Variants in PHKA1 observed in about 807,000 individuals in gnomAD.
The protein encoded by PHKA1 is phosphorylase b kinase regulatory subunit alpha, skeletal muscle isoform.
PHKA1 carries 60 observed loss-of-function variants against 110.2 expected under a neutral mutation model. The ratio of observed to expected loss-of-function variants is 0.54; its 90% confidence interval spans 0.44 to 0.68. The LOEUF (loss-of-function observed/expected upper bound fraction) is 0.68. Ranked by LOEUF, PHKA1 falls within the 30% of genes least tolerant of loss-of-function variation. The pLI is 0.00. For missense variants in PHKA1, 801 were observed against 942.5 expected, an observed-to-expected ratio of 0.85 and a Z score of 1.97; for synonymous variants, 316 against 333.6, an observed-to-expected ratio of 0.95 and a Z score of 0.58.
chrX:72,638,934 C>A (rs2053262358), intron 14 of PHKA1, among the ~76,000 whole-genome samples: 2 of 111,486 alleles, frequency 1.8e-5, no homozygotes, highest in African/African-American at 6.5e-5. Context: ...TTTGAGTGTC[C>A]CTTCTGTCCA....
rs144172526 is a variant in PHKA1 at position 72,610,988 on chromosome X, G to A, written c.2526+40C>T. 566 of 1,099,764 alleles carry A rather than the reference G, an allele frequency of 5.1e-4. 1 individual carries two copies. In the African/African-American group the frequency reaches 8.9e-3, roughly 17 times the overall value. 90.6% of individuals were successfully genotyped at this position (1,099,764 alleles called of 1,213,427 possible). Reference sequence around the variant, plus strand: ...ATAGAAACCAATTTTTAAAAAGCACGCTTATTTAGATTTGGTATAAATTCA... The same window carrying A: ...ATAGAAACCAATTTTTAAAAAGCACACTTATTTAGATTTGGTATAAATTCA... On this transcript the variant is annotated intron_variant, in intron 22 of 31. Coordinates refer to ENST00000373542, the MANE Select transcript of PHKA1 (RefSeq NM_002637.4).
chrX:72,641,714 A>T (rs1220667558), intron 14 of PHKA1, among the ~76,000 whole-genome samples: 2 of 112,036 alleles, frequency 1.8e-5, no homozygotes, highest in Non-Finnish European at 3.8e-5. Context: ...CCTGTTAAAG[A>T]AATAGCCCTT....
At chrX:72,638,985 C>A (rs2053262999) in intron 14 of PHKA1, among the ~76,000 whole-genome samples, 1 of 112,117 alleles carries the variant, frequency 8.9e-6, no homozygotes, top group Non-Finnish European at 1.9e-5. Context: ...TAATTACTCT[C>A]TGAAGCCTTC....
intron 6 of PHKA1, among the ~76,000 whole-genome samples, chrX:72,672,145 G>T (rs1169075382): frequency 2.7e-5 from 3 of 111,730 alleles, no homozygotes; most frequent in African/African-American, 9.8e-5. Flanking sequence ...GGACCTTTTG[G>T]AGTAGTGGCA....
At chrX:72,694,343 T>G (rs1370847835) in intron 4 of PHKA1, among the ~76,000 whole-genome samples, 3 of 112,293 alleles carry the variant, frequency 2.7e-5, no homozygotes, top group African/African-American at 9.7e-5. Flanking sequence ...GTGAATCATC[T>G]GAAACTTCCT....
At position 72,582,453 on chromosome X, in the gene PHKA1, A is replaced by C. The variant is rs782365144; in HGVS notation, c.3443T>G (p.Ile1148Ser). The change falls in exon 31 of 32, where the codon ATC becomes AGC. Residue 1148 changes from isoleucine to serine, a missense_variant. By Grantham distance (142) the Ile-to-Ser change is moderately radical. Transcript: ENST00000373542. ...ADIEIHSIGS[I>S]IAVEKIVHIA... ...ATGCACTATTTTTTCCACAGCAATG[A>C]TGCTTCCGATGCTATGAATTTCAAT... 32 of 1,205,241 alleles carry C rather than the reference A, an allele frequency of 2.7e-5. No homozygotes were observed. The African/African-American group carries it at 4.7e-4, about 18-fold the overall frequency.
chrX:72,651,735 C>A (rs1312648705), intron 12 of PHKA1, among the ~76,000 whole-genome samples: 9 of 111,160 alleles, frequency 8.1e-5, no homozygotes, highest in Non-Finnish European at 1.7e-4. Flanking sequence ...ATCAAACAGC[C>A]ATGGCCACAG....
At chrX:72,644,520 G>A (rs2053336828) in intron 13 of PHKA1, 24 bp from the exon 14 acceptor site, 2 of 1,188,529 alleles carry the variant, frequency 1.7e-6, no homozygotes, top group Admixed American at 2.2e-5. Context: ...AGAAGATGAG[G>A]TCAACAGAAA....
chrX:72,620,662 C>T (rs1556276236), intron 19 of PHKA1, 63 bp downstream of exon 19: 16 of 987,524 alleles, frequency 1.6e-5, no homozygotes, highest in Admixed American at 2.2e-5. Flanking sequence ...AATCAATGCC[C>T]GCCCCTATCC....
At chrX:72,644,992 G>A (rs1278124272) in intron 13 of PHKA1, among the ~76,000 whole-genome samples, 3 of 111,539 alleles carry the variant, frequency 2.7e-5, no homozygotes, top group African/African-American at 9.8e-5. Context: ...CATATAGAAG[G>A]TATTATAGTT....
chrX:72,670,319 A>G (rs2053674670), intron 6 of PHKA1, among the ~76,000 whole-genome samples: 1 of 111,441 alleles, frequency 9.0e-6, no homozygotes, highest in Non-Finnish European at 1.9e-5. Flanking sequence ...CTCCCATTCT[A>G]TAGGTTGCCT....
At chrX:72,584,112 T>C (rs2052379130) in intron 30 of PHKA1, 137 bp downstream of exon 30, 1 of 543,635 alleles carries the variant, frequency 1.8e-6, no homozygotes, top group Non-Finnish European at 3.1e-6. Context: ...AAAAAAATTG[T>C]CTTTTCTTCA....
At chrX:72,640,109 C>T (rs1291849601) in intron 14 of PHKA1, among the ~76,000 whole-genome samples, 1 of 111,311 alleles carries the variant, frequency 9.0e-6, no homozygotes, top group Non-Finnish European at 1.9e-5. Context: ...TGTATTTGAC[C>T]TAGGGATGGG....
chrX:72,621,090 C>A (rs1379249050), intron 18 of PHKA1, among the ~76,000 whole-genome samples, 189 bp from the exon 19 acceptor site: 1 of 111,627 alleles, frequency 9.0e-6, no homozygotes, highest in Admixed American at 9.5e-5. Context: ...GATCCAGTGA[C>A]CATGGCCATT....
At chrX:72,585,588 C>T (rs2052413716) in intron 29 of PHKA1, among the ~76,000 whole-genome samples, 2 of 111,523 alleles carry the variant, frequency 1.8e-5, no homozygotes, top group Admixed American at 1.9e-4. Flanking sequence ...GGGTGCAGCC[C>T]ACGGAGGGCA....
At chrX:72,694,316 A>G (rs910716511) in intron 4 of PHKA1, among the ~76,000 whole-genome samples, 4 of 111,987 alleles carry the variant, frequency 3.6e-5, no homozygotes, top group Non-Finnish European at 5.6e-5. Context: ...TATCCAATCT[A>G]TCTTCCTGCT....
intron 17 of PHKA1, among the ~76,000 whole-genome samples, chrX:72,623,870 C>T (rs2044128421): frequency 9.0e-6 from 1 of 111,467 alleles, no homozygotes; most frequent in Non-Finnish European, 1.9e-5. Context: ...TGGATCATGG[C>T]ATATTGAATA....
intron 29 of PHKA1, among the ~76,000 whole-genome samples, chrX:72,591,830 A>G (rs1556225860): frequency 8.9e-6 from 1 of 112,382 alleles, no homozygotes; most frequent in African/African-American, 3.2e-5. Flanking sequence ...TTAAAACAAT[A>G]TATTTTCATT....
intron 10 of PHKA1, among the ~76,000 whole-genome samples, chrX:72,655,661 C>T (rs1470086164): frequency 1.0e-4 from 11 of 109,926 alleles, no homozygotes; most frequent in South Asian, 3.9e-4. Context: ...CTCGCTCTGT[C>T]GCCCAGGCTG....
Sources: allele counts gnomAD v4.1 joint callset (sites outside exome capture counted in the v4.1 genomes callset), GRCh38; gene constraint gnomAD v4.1.1; transcripts MANE v1.5; gene names NCBI Gene and HGNC (gene_info 2026-07-23, HGNC 2026-07-21).